Variants in FCF1 observed in about 807,000 individuals in gnomAD.
The protein encoded by FCF1 is rRNA-processing protein FCF1 homolog.
In FCF1, 17 loss-of-function variants were observed where a neutral mutation model predicts 32.5. The observed-to-expected ratio is 0.52, with a 90% CI of 0.36 to 0.78. The LOEUF is 0.78. FCF1 is among the 30% of genes least tolerant of loss of function. The pLI is 0.00. For synonymous variants in FCF1, 84 were observed against 78.4 expected (o/e 1.07, Z -0.38); for missense variants, 201 against 241.1 (o/e 0.83, Z 1.10).
intron 5 of FCF1, among the ~76,000 whole-genome samples, chr14:74,730,898 C>T (rs1018124614): frequency 1.3e-5 from 2 of 151,998 alleles, no homozygotes; most frequent in African/African-American, 4.8e-5. Context: ...ACTCAGGAGG[C>T]TGAAGCAGGA....
At position 74,737,085 on chromosome 14, in the gene FCF1, A is replaced by G. The variant is rs892709286; in HGVS notation, c.*2155A>G. On this transcript the variant is annotated 3_prime_UTR_variant, in exon 8 of 8. Coordinates refer to ENST00000341162, the MANE Select transcript of FCF1 (RefSeq NM_015962.5). ...GGAAACAGTACACCATAGAAAATCCATTAACCTATGTATAATCCCAGCACT... is the reference window on the plus strand; with the variant it reads ...GGAAACAGTACACCATAGAAAATCCGTTAACCTATGTATAATCCCAGCACT... 1 of 152,198 alleles carries G rather than the reference A, an allele frequency of 6.6e-6. No individual in the cohort carries two copies. Among genetic ancestry groups the G allele is most frequent in the African/African-American group, 2.4e-5 (1 of 41,446 alleles). The allele number at this position is 152,198 out of a possible 1,614,324, so 9.4% of individuals were successfully genotyped here.
intron 5 of FCF1, among the ~76,000 whole-genome samples, chr14:74,728,591 A>C (rs1186924668): frequency 2.6e-5 from 4 of 152,064 alleles, no homozygotes; most frequent in Non-Finnish European, 5.9e-5. Context: ...AATACCCTTT[A>C]TTTCCTTCTC....
Position 74,735,073 on chromosome 14 carries a change from C to T in FCF1, c.*143C>T. The T allele has an allele frequency of 1.4e-6, 1 of 715,084 alleles. No individual in the cohort carries two copies. Among genetic ancestry groups the T allele is most frequent in the East Asian group, 2.5e-5 (1 of 39,484 alleles). 44.3% of individuals were successfully genotyped at this position (715,084 alleles called of 1,614,324 possible). ...GATATTTATTATTTAGGTGCACCAGCCCAGTCAGATTAACATCCAAAGGAC... is the reference window on the plus strand; with the variant it reads ...GATATTTATTATTTAGGTGCACCAGTCCAGTCAGATTAACATCCAAAGGAC... On this transcript the variant is annotated 3_prime_UTR_variant, in exon 8 of 8. Coordinates refer to ENST00000341162, the MANE Select transcript of FCF1 (RefSeq NM_015962.5).
intron 1 of FCF1, 93 bp downstream of exon 1, chr14:74,713,293 A>G (rs1292880499): frequency 2.5e-6 from 4 of 1,613,184 alleles, no homozygotes; most frequent in African/African-American, 2.7e-5. Flanking sequence ...CCTTCACATT[A>G]TCCTAGCATA....
chr14:74,719,054 T>G lies in FCF1; in HGVS notation c.292+2955T>G, dbSNP rs946030226. Among the ~76,000 whole-genome samples the G allele has an allele frequency of 3.7e-5, 5 of 135,578 alleles. No homozygotes were observed. In the East Asian group the frequency reaches 1.1e-3, roughly 29 times the overall value. The allele number at this position is 135,578 out of a possible 152,430, so 88.9% of individuals were successfully genotyped here. ...CTGAGGGAAGAGAATCTCTGGAACCTGGGAGGCAGAGGCTACAGTGAGCCG... is the reference window on the plus strand; with the variant it reads ...CTGAGGGAAGAGAATCTCTGGAACCGGGGAGGCAGAGGCTACAGTGAGCCG... On this transcript the variant is annotated intron_variant, in intron 4 of 7. Coordinates refer to ENST00000341162, the MANE Select transcript of FCF1 (RefSeq NM_015962.5).
intron 5 of FCF1, among the ~76,000 whole-genome samples, chr14:74,724,117 G>A (rs1191076370): frequency 6.6e-6 from 1 of 152,122 alleles, no homozygotes; most frequent in East Asian, 1.9e-4. Context: ...ACTACTAAGG[G>A]TATAAATTGG....
chr14:74,728,677 G>GC (rs1467056954), intron 5 of FCF1, among the ~76,000 whole-genome samples: 7 of 152,094 alleles, frequency 4.6e-5, no homozygotes. Flanking sequence ...CCTGTCTTGT[G>GC]CCAGTTTTCA....
intron 4 of FCF1, 53 bp from the exon 5 acceptor site, chr14:74,723,219 G>A: frequency 7.7e-7 from 1 of 1,305,572 alleles, no homozygotes; most frequent in Non-Finnish European, 1.1e-6. Flanking sequence ...ATATAATTCA[G>A]AGATAATTTC....
chr14:74,714,325 T>C (rs1053970762), intron 2 of FCF1, among the ~76,000 whole-genome samples: 3 of 152,194 alleles, frequency 2.0e-5, no homozygotes, highest in Non-Finnish European at 4.4e-5. Context: ...AATAAGAGAA[T>C]AGTCGTTAAA....
In FCF1 at chr14:74,723,020, A is replaced by G. The variant is rs111860900; in HGVS notation, c.293-252A>G. On this transcript the variant is annotated intron_variant, in intron 4 of 7. Transcript: ENST00000341162. ...ATCAGGAACTTACATTAATATAAAA[A>G]TAATGACAGAGTTCAGCTTAGTTTT... Among the ~76,000 whole-genome samples the G allele has an allele frequency of 4.4e-3, 672 of 152,294 alleles. 3 individuals carry two copies. The highest frequency in any genetic ancestry group is 0.014 in the African/African-American group (595 of 41,574).
chr14:74,728,585 C>A (rs2090599930), intron 5 of FCF1, among the ~76,000 whole-genome samples: 3 of 152,106 alleles, frequency 2.0e-5, no homozygotes, highest in South Asian at 2.1e-4. Context: ...TAATTGAATA[C>A]CCTTTATTTC....
At chr14:74,718,282 G>A (rs1334613404) in intron 4 of FCF1, among the ~76,000 whole-genome samples, 1 of 152,150 alleles carries the variant, frequency 6.6e-6, no homozygotes, top group Non-Finnish European at 1.5e-5. Context: ...CAACAAGGAA[G>A]GATAGTTTGC....
chr14:74,722,498 A>G (rs887868690), intron 4 of FCF1, among the ~76,000 whole-genome samples: 1 of 152,162 alleles, frequency 6.6e-6, no homozygotes, highest in African/African-American at 2.4e-5. Context: ...CCTCACCTAT[A>G]AAATAGGGAT....
chr14:74,734,041 AC>A, intron 6 of FCF1, 34 bp from the exon 7 acceptor site: 1 of 1,404,630 alleles, frequency 7.1e-7, no homozygotes, highest in Non-Finnish European at 1.0e-6. Flanking sequence ...GTGCTCAGTG[AC>A]CTCAGTGTGA....
chr14:74,723,281 G>C lies in FCF1; in HGVS notation c.302G>C (p.Cys101Ser). Residue 101 changes from cysteine to serine, a missense_variant, in exon 5 of 8, where the codon TGT becomes TCT. Coordinates refer to ENST00000341162, the MANE Select transcript of FCF1 (RefSeq NM_015962.5). ...MDCLYAKCIP[C>S]ITDCVMAEIE... ...TTTTTTTCCCTGGCAGGTATCCCAT[G>C]TATAACCGATTGTGTAATGGCTGAA... is the stretch of plus-strand genomic sequence containing the variant. 1 of 1,613,082 alleles carries C rather than the reference G, an allele frequency of 6.2e-7. No individual in the cohort carries two copies. The highest frequency in any genetic ancestry group is 8.5e-7 in the Non-Finnish European group (1 of 1,179,264).
At chr14:74,717,824 A>G (rs1277381734) in intron 4 of FCF1, among the ~76,000 whole-genome samples, 1 of 152,164 alleles carries the variant, frequency 6.6e-6, no homozygotes, top group Non-Finnish European at 1.5e-5. Context: ...CTAGATAGTG[A>G]CTGTTAGAGC....
intron 5 of FCF1, among the ~76,000 whole-genome samples, chr14:74,725,085 GAA>G (rs1211032581): frequency 6.6e-6 from 1 of 150,804 alleles, no homozygotes; most frequent in Non-Finnish European, 1.5e-5. Flanking sequence ...AAAAAAGAAA[GAA>G]AAAGATTGCT....
In FCF1 at chr14:74,723,274, A is replaced by G. The variant is rs759882637; in HGVS notation, c.295A>G (p.Ile99Val). 10 of 1,612,192 alleles carry G rather than the reference A, an allele frequency of 6.2e-6. No individual in the cohort carries two copies. In the African/African-American group the frequency reaches 1.3e-4, roughly 22 times the overall value. ...SMMDCLYAKC[I>V]PCITDCVMAE... ...ATGTGAATTTTTTTCCCTGGCAGGT[A>G]TCCCATGTATAACCGATTGTGTAAT... Residue 99 changes from isoleucine to valine, a missense_variant and splice_region_variant, in exon 5 of 8, where the codon ATC becomes GTC. By Grantham distance (29) the Ile-to-Val change is conservative. Around this residue, in one of 3 missense-constraint regions of FCF1, gnomAD observed 121 missense variants for 147.8 expected, o/e 0.82. Coordinates refer to ENST00000341162, the MANE Select transcript of FCF1 (RefSeq NM_015962.5).
chr14:74,717,654 A>C (rs1323435222), intron 4 of FCF1, among the ~76,000 whole-genome samples: 1 of 152,164 alleles, frequency 6.6e-6, no homozygotes, highest in African/African-American at 2.4e-5. Context: ...AAGACACTAA[A>C]CTTGGTAGTC....
Sources: gnomAD v4.1 joint callset for allele counts (sites outside exome capture counted in the v4.1 genomes callset) on GRCh38, gnomAD v4.1.1 for gene constraint, gnomAD v4.1.1 regional missense constraint, MANE v1.5 for transcripts, NCBI Gene and HGNC (gene_info 2026-07-23, HGNC 2026-07-21) for gene names.